The following ADGRL4 variants were observed in gnomAD, a reference collection of about 807,000 sequenced individuals.
The protein encoded by ADGRL4 is EGF, latrophilin and seven transmembrane domain containing 1.
Under a neutral mutation model 74.8 loss-of-function variants are expected in ADGRL4, and 90 were observed. The ratio of observed to expected loss-of-function variants is 1.20; its 90% CI spans 1.02 to 1.43. ADGRL4 has a LOEUF of 1.43. Ranked by LOEUF, ADGRL4 falls within the 40% of genes most tolerant of loss-of-function variation. ADGRL4 has a pLI of 0.00. For synonymous variants in ADGRL4, 311 were observed against 279.2 expected (o/e 1.11, Z -1.14); for missense variants, 881 against 814.3 (o/e 1.08, Z -1.00).
chr1:78,967,884 T>C (rs1394413083), intron 2 of ADGRL4, among the ~76,000 whole-genome samples: 1 of 148,624 alleles, frequency 6.7e-6, no homozygotes, highest in East Asian at 1.9e-4. Flanking sequence ...TAACATCAAG[T>C]GTTTTAAACT....
chr1:78,906,796 T>G (rs1053412039), intron 12 of ADGRL4, among the ~76,000 whole-genome samples: 1 of 151,978 alleles, frequency 6.6e-6, no homozygotes, highest in Non-Finnish European at 1.5e-5. Flanking sequence ...GAAGCTAAAA[T>G]AGAACTTTCG....
intron 2 of ADGRL4, among the ~76,000 whole-genome samples, chr1:78,994,421 G>T (rs1650674405): frequency 6.6e-6 from 1 of 152,056 alleles, no homozygotes; most frequent in Non-Finnish European, 1.5e-5. Flanking sequence ...ATAAAATGGG[G>T]CATCAACAAA....
intron 7 of ADGRL4, among the ~76,000 whole-genome samples, chr1:78,934,975 C>T (rs927091572): frequency 6.6e-6 from 1 of 152,152 alleles, no homozygotes; most frequent in African/African-American, 2.4e-5. Flanking sequence ...ATTAGTTCAA[C>T]CATTGTGGAA....
In ADGRL4 at chr1:78,921,707, C is replaced by T. The variant is rs1422580251; in HGVS notation, c.1163G>A (p.Gly388Asp). 1 of 1,603,932 alleles carries T rather than the reference C, an allele frequency of 6.2e-7. No homozygotes were observed. Among genetic ancestry groups the T allele is most frequent in the Non-Finnish European group, 8.5e-7 (1 of 1,174,942 alleles). Reference protein sequence around the residue: ...DTMNGSWSSEGCELTYSNETH... With the variant: ...DTMNGSWSSEDCELTYSNETH... ...CTCATTTGAGTATGTCAGCTCACAG[C>T]CCTCTGAAGACCAGCTGCCATTCAT... The change falls in exon 9 of 15, where the codon GGC becomes GAC. Residue 388 changes from glycine (G) to aspartate (D), a missense_variant. By Grantham distance (94) the Gly-to-Asp change is moderately conservative (BLOSUM62 -1). Coordinates refer to ENST00000370742, the MANE Select transcript of ADGRL4 (RefSeq NM_022159.4).
chr1:78,984,279 G>A (rs1384372615), intron 2 of ADGRL4, among the ~76,000 whole-genome samples: 3 of 151,764 alleles, frequency 2.0e-5, no homozygotes, highest in Non-Finnish European at 4.4e-5. Flanking sequence ...TTAATATTGA[G>A]GTAGGAGATT....
intron 2 of ADGRL4, among the ~76,000 whole-genome samples, chr1:78,960,637 G>T (rs914492457): frequency 6.6e-6 from 1 of 152,122 alleles, no homozygotes; most frequent in African/African-American, 2.4e-5. Context: ...GCAATGGACT[G>T]CTGCTTGTGT....
chr1:79,000,323 T>C (rs1650815344), intron 2 of ADGRL4, among the ~76,000 whole-genome samples: 1 of 152,314 alleles, frequency 6.6e-6, no homozygotes, highest in South Asian at 2.1e-4. Flanking sequence ...TTCTTGGTAA[T>C]TATCCTGTTA....
chr1:78,939,483 T>A (rs1178261324), intron 3 of ADGRL4, among the ~76,000 whole-genome samples: 2 of 152,100 alleles, frequency 1.3e-5, no homozygotes, highest in African/African-American at 4.8e-5. Context: ...TTATCTACAA[T>A]TTTGATTAAA....
Position 78,938,244 on chromosome 1 carries a change from T to C in ADGRL4, c.432A>G (p.Gln144=), listed in dbSNP as rs1649400188. 1 of 1,606,416 alleles carries C rather than the reference T, an allele frequency of 6.2e-7. No homozygotes were observed. The highest frequency in any genetic ancestry group is 8.5e-7 in the Non-Finnish European group (1 of 1,178,272). ...CTGTCACAGAATTTCTATAGACTTCTTGTAGCAAAGCCACAGGTTCTTTTA... is the reference window on the plus strand; with the variant it reads ...CTGTCACAGAATTTCTATAGACTTCCTGTAGCAAAGCCACAGGTTCTTTTA... ...RSIKEPVALL[Q]EVYRNSVTDL... The change falls in exon 5 of 15, where the codon CAA becomes CAG. Residue 144 remains glutamine (Q), a synonymous_variant. Transcript: ENST00000370742.
intron 8 of ADGRL4, among the ~76,000 whole-genome samples, chr1:78,923,985 A>G (rs757254770): frequency 9.9e-5 from 15 of 151,802 alleles, no homozygotes; most frequent in Non-Finnish European, 2.1e-4. Flanking sequence ...CAAAATGTTT[A>G]CTGCAATTAA....
At chr1:78,958,414 T>C (rs1290766453) in intron 2 of ADGRL4, among the ~76,000 whole-genome samples, 1 of 152,156 alleles carries the variant, frequency 6.6e-6, no homozygotes, top group Non-Finnish European at 1.5e-5. Flanking sequence ...TTGTGAATCA[T>C]GGGAGGAGGT....
chr1:78,988,444 G>C (rs1325544618), intron 2 of ADGRL4, among the ~76,000 whole-genome samples: 1 of 151,564 alleles, frequency 6.6e-6, no homozygotes, highest in East Asian at 1.9e-4. Flanking sequence ...AACTAGAGAG[G>C]GTTCAAATGC....
chr1:78,996,378 A>T (rs1265791879), intron 2 of ADGRL4, among the ~76,000 whole-genome samples: 2 of 152,218 alleles, frequency 1.3e-5, no homozygotes, highest in East Asian at 1.9e-4. Context: ...CATAAAGATT[A>T]TAAAAAACTT....
At chr1:78,970,158 T>C (rs1650142184) in intron 2 of ADGRL4, among the ~76,000 whole-genome samples, 1 of 152,148 alleles carries the variant, frequency 6.6e-6, no homozygotes, top group South Asian at 2.1e-4. Context: ...GCAGCTGGCT[T>C]ATGTTAAGGA....
chr1:78,897,911 A>G (rs1021426593), intron 12 of ADGRL4, among the ~76,000 whole-genome samples: 1 of 152,198 alleles, frequency 6.6e-6, no homozygotes, highest in African/African-American at 2.4e-5. Flanking sequence ...CCATAAATAT[A>G]TAAGCTACTT....
intron 2 of ADGRL4, among the ~76,000 whole-genome samples, chr1:78,973,271 C>CAT (rs1650208055): frequency 6.6e-6 from 1 of 151,900 alleles, no homozygotes; most frequent in Admixed American, 6.6e-5. Context: ...TGATTCCCTT[C>CAT]ATATATATGT....
chr1:78,941,705 C>T (rs1298048284), intron 3 of ADGRL4, among the ~76,000 whole-genome samples: 1 of 152,134 alleles, frequency 6.6e-6, no homozygotes, highest in Non-Finnish European at 1.5e-5. Flanking sequence ...ACTGGCTTGT[C>T]TACAGTGAAT....
In ADGRL4 at chr1:78,917,685, G is replaced by A. The variant is rs533550002; in HGVS notation, c.1698C>T (p.Thr566=). 54 of 1,607,358 alleles carry A rather than the reference G, an allele frequency of 3.4e-5. 1 individual carries two copies. Among genetic ancestry groups the A allele is most frequent in the South Asian group, 5.5e-5 (5 of 90,212 alleles). ...YGTTKVCWLS[T]ENNFIWSFIG... is the part of the protein sequence containing the mutation. The stretch of plus-strand genomic sequence containing the variant: ...TAAAACTCCAAATAAAGTTGTTTTC[G>A]GTGCTAAGCCAACATCTGAAAAGTA... Residue 566 remains threonine (T), a synonymous_variant, in exon 12 of 15, where the codon ACC becomes ACT. Coordinates refer to ENST00000370742, the MANE Select transcript of ADGRL4 (RefSeq NM_022159.4).
chr1:78,894,386 T>C (rs909297554), intron 12 of ADGRL4, among the ~76,000 whole-genome samples: 6 of 151,920 alleles, frequency 3.9e-5, no homozygotes, highest in Non-Finnish European at 7.4e-5. Flanking sequence ...CCATTACTTC[T>C]AATTATATGA....
Sources: allele counts gnomAD v4.1 joint callset (sites outside exome capture counted in the v4.1 genomes callset), GRCh38; gene constraint gnomAD v4.1.1; transcripts MANE v1.5; gene names NCBI Gene and HGNC (gene_info 2026-07-23, HGNC 2026-07-21).